Variants in SPOCK1 observed in about 807,000 individuals in gnomAD.
The protein encoded by SPOCK1 is SPARC (osteonectin), cwcv and kazal like domains proteoglycan 1.
SPOCK1 carries 23 observed loss-of-function variants against 55.3 expected under a neutral mutation model. The ratio of observed to expected loss-of-function variants is 0.42; its 90% CI spans 0.30 to 0.59. SPOCK1 has a LOEUF of 0.59. Among genes scored for constraint, SPOCK1 ranks in the 20% least tolerant of loss-of-function variants. The probability of loss-of-function intolerance (pLI) is 0.22; values close to 1 mark genes in which losing one functional copy is unlikely to be tolerated. For synonymous variants in SPOCK1, 226 were observed against 221.0 expected, an observed-to-expected ratio of 1.02 and a Z score of -0.20; for missense variants, 499 against 552.5, an observed-to-expected ratio of 0.90 and a Z score of 0.97.
intron 2 of SPOCK1, among the ~76,000 whole-genome samples, chr5:137,298,085 C>T (rs1394323545): frequency 6.6e-6 from 1 of 152,142 alleles, no homozygotes; most frequent in Non-Finnish European, 1.5e-5. Context: ...CTTTCTGAGC[C>T]TCATTCTTCT....
Position 136,994,838 on chromosome 5 carries a change from T to C in SPOCK1, c.590-2238A>G, listed in dbSNP as rs1022897524. ...CTGGCCAACATGGTGAAAACTTGTCTCTGCTCAAAATACAAAATTAGCCAG... is the reference window on the plus strand; with the variant it reads ...CTGGCCAACATGGTGAAAACTTGTCCCTGCTCAAAATACAAAATTAGCCAG... On this transcript the variant is annotated intron_variant, in intron 6 of 10. Coordinates refer to ENST00000394945, the MANE Select transcript of SPOCK1 (RefSeq NM_004598.4). Among the ~76,000 whole-genome samples, 8 of 152,070 alleles carry C rather than the reference T, an allele frequency of 5.3e-5. No individual in the cohort carries two copies. In the East Asian group the frequency reaches 1.2e-3, roughly 22 times the overall value.
At chr5:137,023,235 TGATA>T (rs1219633724) in intron 6 of SPOCK1, among the ~76,000 whole-genome samples, 2 of 152,234 alleles carry the variant, frequency 1.3e-5, no homozygotes, top group African/African-American at 4.8e-5. Context: ...CTTAGAACTT[TGATA>T]TATAGTAAAT....
intron 6 of SPOCK1, among the ~76,000 whole-genome samples, chr5:136,996,363 G>C (rs567953994): frequency 7.7e-4 from 117 of 152,336 alleles, no homozygotes; most frequent in African/African-American, 2.8e-3. Flanking sequence ...TGGGCTACCA[G>C]CATCAGACTC....
chr5:137,363,371 T>C (rs1750991171), intron 2 of SPOCK1, among the ~76,000 whole-genome samples: 1 of 152,220 alleles, frequency 6.6e-6, no homozygotes, highest in Non-Finnish European at 1.5e-5. Flanking sequence ...CTTGTAAATA[T>C]TGGCTTACAC....
At chr5:137,260,185 T>C (rs949427690) in intron 3 of SPOCK1, among the ~76,000 whole-genome samples, 2 of 152,162 alleles carry the variant, frequency 1.3e-5, no homozygotes, top group South Asian at 2.1e-4. Flanking sequence ...CAGAGCCATG[T>C]CCCACCTCAG....
intron 2 of SPOCK1, among the ~76,000 whole-genome samples, chr5:137,328,712 C>A (rs114450965): frequency 6.6e-6 from 1 of 152,232 alleles, no homozygotes; most frequent in African/African-American, 2.4e-5. Flanking sequence ...CACTTTCCTG[C>A]TGAGATAGCT....
chr5:137,209,262 C>G (rs1179596674), intron 3 of SPOCK1, among the ~76,000 whole-genome samples: 2 of 152,236 alleles, frequency 1.3e-5, no homozygotes, highest in Non-Finnish European at 2.9e-5. Context: ...TTTTTACTAT[C>G]TCCTATCTCC....
intron 5 of SPOCK1, 60 bp from the exon 6 acceptor site, chr5:137,067,889 C>T: frequency 7.0e-7 from 1 of 1,423,164 alleles, no homozygotes; most frequent in Non-Finnish European, 9.9e-7. Context: ...CCTACCCCGC[C>T]TCCTAAGAAA....
chr5:137,353,887 T>A (rs1313506069), intron 2 of SPOCK1, among the ~76,000 whole-genome samples: 1 of 151,922 alleles, frequency 6.6e-6, no homozygotes, highest in East Asian at 1.9e-4. Context: ...TCCTTACCCA[T>A]ACCCTCCCTC....
intron 3 of SPOCK1, among the ~76,000 whole-genome samples, chr5:137,241,723 CT>C (rs892890791): frequency 6.6e-6 from 1 of 152,152 alleles, no homozygotes; most frequent in Non-Finnish European, 1.5e-5. Flanking sequence ...TGCTAACCCC[CT>C]GATCTTGAAC....
chr5:137,248,527 A>G (rs1756443778), intron 3 of SPOCK1, among the ~76,000 whole-genome samples: 1 of 152,206 alleles, frequency 6.6e-6, no homozygotes, highest in Non-Finnish European at 1.5e-5. Flanking sequence ...TCTATCATGC[A>G]GTAAATTAAT....
chr5:137,121,927 T>TATAACA, intron 4 of SPOCK1, among the ~76,000 whole-genome samples: 1 of 146,048 alleles, frequency 6.8e-6, no homozygotes, highest in African/African-American at 2.5e-5. Context: ...AATACTGTTA[T>TATAACA]TATATAACAG....
chr5:137,143,392 T>C lies in SPOCK1; in HGVS notation c.233-2698A>G, dbSNP rs556017710. Among the ~76,000 whole-genome samples, 33 of 152,288 alleles carry C rather than the reference T, an allele frequency of 2.2e-4. 1 individual carries two copies. Among genetic ancestry groups the C allele is most frequent in the African/African-American group, 7.7e-4 (32 of 41,558 alleles). On this transcript the variant is annotated intron_variant, in intron 3 of 10. Transcript: ENST00000394945. ...ACGGACAGTGCAATCACAAGGATCATGAATCAGCTGAGCAGATCCGGGAAC... is the reference window on the plus strand; with the variant it reads ...ACGGACAGTGCAATCACAAGGATCACGAATCAGCTGAGCAGATCCGGGAAC...
chr5:137,300,691 A>G lies in SPOCK1; in HGVS notation c.187-33636T>C, dbSNP rs1258156545. Among the ~76,000 whole-genome samples, 3 of 71,396 alleles carry G rather than the reference A, an allele frequency of 4.2e-5. No individual in the cohort carries two copies. In the Admixed American group the frequency reaches 5.2e-4, roughly 12 times the overall value. 46.8% of individuals were successfully genotyped at this position (71,396 alleles called of 152,430 possible). A position where few individuals can be genotyped will look rare whatever the true frequency, so the allele number is the denominator to read the frequency against. Reference sequence around the variant, plus strand: ...GCCAATAACTTGGGTAGAGTTTACAATGATTTTAGTGCTCCCCTTCTGTGG... The same window carrying G: ...GCCAATAACTTGGGTAGAGTTTACAGTGATTTTAGTGCTCCCCTTCTGTGG... On this transcript the variant is annotated intron_variant, in intron 2 of 10. Transcript: ENST00000394945.
chr5:137,112,288 C>T, intron 5 of SPOCK1, 147 bp downstream of exon 5: 1 of 979,284 alleles, frequency 1.0e-6, no homozygotes, highest in Non-Finnish European at 1.5e-6. Context: ...GGCCAGAGAA[C>T]ATCTCTGAGT....
intron 2 of SPOCK1, among the ~76,000 whole-genome samples, chr5:137,369,747 C>A (rs1416803483): frequency 6.6e-6 from 1 of 152,194 alleles, no homozygotes; most frequent in Non-Finnish European, 1.5e-5. Flanking sequence ...TCCTGGCTTG[C>A]AGATGGCTGC....
At chr5:137,241,401 TC>T (rs1379128387) in intron 3 of SPOCK1, among the ~76,000 whole-genome samples, 1 of 152,130 alleles carries the variant, frequency 6.6e-6, no homozygotes, top group African/African-American at 2.4e-5. Context: ...CAAGGACCCA[TC>T]TGAAAGATGG....
rs564381584 is a variant in SPOCK1 at position 137,352,419 on chromosome 5, G to A, written c.187-85364C>T. On this transcript the variant is annotated intron_variant, in intron 2 of 10. Transcript: ENST00000394945. The stretch of plus-strand genomic sequence containing the variant: ...TGCCTCACCTCAAGGTGGTTATAAC[G>A]CGGTGACTGCTGAGGATGCCGCATT... 6.6e-5 allele frequency among the ~76,000 whole-genome samples: 10 copies of A among 152,322 alleles called. No homozygotes were observed. The South Asian group carries it at 1.7e-3, about 25-fold the overall frequency.
intron 2 of SPOCK1, among the ~76,000 whole-genome samples, chr5:137,337,888 C>T (rs200360418): frequency 2.0e-5 from 3 of 152,202 alleles, no homozygotes; most frequent in African/African-American, 7.2e-5. Context: ...AGAATACACT[C>T]TGGCCACTAG....
Sources: allele counts gnomAD v4.1 joint callset (sites outside exome capture counted in the v4.1 genomes callset), GRCh38; gene constraint gnomAD v4.1.1; transcripts MANE v1.5; gene names NCBI Gene and HGNC (gene_info 2026-07-23, HGNC 2026-07-21).